The following TNRC6A variants were observed in gnomAD, a reference collection of about 807,000 sequenced individuals.
TNRC6A encodes trinucleotide repeat-containing gene 6A protein.
Under a neutral mutation model 221.2 loss-of-function variants are expected in TNRC6A, and 44 were observed. That is an observed-to-expected ratio of 0.20 (90% CI 0.16 to 0.26). The LOEUF (loss-of-function observed/expected upper bound fraction) is 0.26. Among genes scored for constraint, TNRC6A ranks in the 10% least tolerant of loss-of-function variants. TNRC6A has a pLI of 1.00. For synonymous variants in TNRC6A, 847 were observed against 838.5 expected, an observed-to-expected ratio of 1.01 and a Z score of -0.18; for missense variants, 2,199 against 2,404.4, an observed-to-expected ratio of 0.91 and a Z score of 1.79.
intron 5 of TNRC6A, among the ~76,000 whole-genome samples, chr16:24,788,505 G>A (rs2058022136): frequency 6.6e-6 from 1 of 152,114 alleles, no homozygotes; most frequent in Non-Finnish European, 1.5e-5. Context: ...AAAACAGAGG[G>A]TGGAAAAATA....
Position 24,777,113 on chromosome 16 carries a change from CGCAGCCGCAGCAGCA to C in TNRC6A, c.351_365del (p.Gln121_Gln125del), listed in dbSNP as rs759323821. On this transcript the variant is annotated inframe_deletion, in exon 5 of 25. Coordinates refer to ENST00000395799, the MANE Select transcript of TNRC6A (RefSeq NM_014494.4). ...CAGCAGCCACAGCAGCAGCCACAGC[CGCAGCCGCAGCAGCA>C]GCAGCCACAGCAGCAGCCACAGGCC... 3 of 1,091,276 alleles carry C rather than the reference CGCAGCCGCAGCAGCA, an allele frequency of 2.7e-6. No individual in the cohort carries two copies. The highest frequency in any genetic ancestry group is 2.6e-6 in the Non-Finnish European group (2 of 769,394). 67.6% of individuals were successfully genotyped at this position (1,091,276 alleles called of 1,614,324 possible).
chr16:24,633,189 A>G (rs1901439533), intron 1 of TNRC6A, among the ~76,000 whole-genome samples: 1 of 151,832 alleles, frequency 6.6e-6, no homozygotes, highest in South Asian at 2.1e-4. Context: ...TGCTCTATTT[A>G]CCATATATGC....
At chr16:24,776,457 C>T (rs2057719493) in intron 4 of TNRC6A, 1 of 985,234 alleles carries the variant, frequency 1.0e-6, no homozygotes, top group South Asian at 4.7e-5. Context: ...TGTTTTCTAA[C>T]CTTGTGTTGT....
At chr16:24,703,396 A>T (rs2142234568) in intron 2 of TNRC6A, among the ~76,000 whole-genome samples, 1 of 152,292 alleles carries the variant, frequency 6.6e-6, no homozygotes, top group Admixed American at 6.6e-5. Context: ...TTTTATGCCA[A>T]ATATTAGTCC....
At chr16:24,736,142 C>T (rs989316971) in intron 2 of TNRC6A, among the ~76,000 whole-genome samples, 2 of 152,172 alleles carry the variant, frequency 1.3e-5, no homozygotes, top group Non-Finnish European at 1.5e-5. Context: ...TCCAGCCTAG[C>T]CTGGGCACAA....
At chr16:24,689,767 T>A (rs1249007857) in intron 2 of TNRC6A, among the ~76,000 whole-genome samples, 1 of 151,658 alleles carries the variant, frequency 6.6e-6, no homozygotes, top group African/African-American at 2.4e-5. Context: ...GAAAAAAAAA[T>A]TTGAGACAGG....
At chr16:24,725,873 G>GTC (rs1200312405), upstream of TNRC6A, among the ~76,000 whole-genome samples, 1 of 151,952 alleles carries the variant, frequency 6.6e-6, no homozygotes, top group African/African-American at 2.4e-5. Flanking sequence ...AGTGGCACAC[G>GTC]TCTGTAATCC....
chr16:24,686,813 G>A (rs2055635576), intron 2 of TNRC6A, among the ~76,000 whole-genome samples: 1 of 152,144 alleles, frequency 6.6e-6, no homozygotes, highest in South Asian at 2.1e-4. Flanking sequence ...CCTGCGTTTG[G>A]ATTCCCCTCC....
intron 2 of TNRC6A, among the ~76,000 whole-genome samples, chr16:24,668,572 A>G (rs1347759264): frequency 6.6e-6 from 1 of 152,100 alleles, no homozygotes; most frequent in Non-Finnish European, 1.5e-5. Context: ...CTCCATTTTT[A>G]TCACCAAGGC....
Position 24,790,093 on chromosome 16 carries a change from G to T in TNRC6A, c.1451G>T (p.Arg484Leu). ...CCTAGTAGTAACACAGGGGCCTGGC[G>T]TGTGAGCACAATGAATCATCCTCAG... ...ELPSSNTGAWRVSTMNHPQMQ... is the reference protein window; with the variant it reads ...ELPSSNTGAWLVSTMNHPQMQ... Residue 484 changes from arginine (R) to leucine (L), a missense_variant, in exon 6 of 25, where the codon CGT becomes CTT. This residue lies in a region of TNRC6A where 1,405 missense variants were observed against 1,400.2 expected (regional missense o/e 1.00). Transcript: ENST00000395799. The T allele has an allele frequency of 6.2e-7, 1 of 1,614,192 alleles. No homozygotes were observed.
chr16:24,752,305 C>T (rs1023824439), intron 3 of TNRC6A, among the ~76,000 whole-genome samples: 1 of 152,244 alleles, frequency 6.6e-6, no homozygotes, highest in South Asian at 2.1e-4. Context: ...AGGAGTTAAT[C>T]AGGCTAGGGG....
At chr16:24,650,580 G>A (rs753130859) in intron 2 of TNRC6A, among the ~76,000 whole-genome samples, 1 of 151,880 alleles carries the variant, frequency 6.6e-6, no homozygotes, top group South Asian at 2.1e-4. Context: ...CAGGAGAATC[G>A]CTTGAACCTG....
rs1015624577 is a variant in TNRC6A at position 24,652,693 on chromosome 16, A to G, written n.402+11684A>G. Among the ~76,000 whole-genome samples, 3 of 152,210 alleles carry G rather than the reference A, an allele frequency of 2.0e-5. 1 individual carries two copies. Among genetic ancestry groups the G allele is most frequent in the Admixed American group, 1.3e-4 (2 of 15,270 alleles). On this transcript the variant is annotated intron_variant and non_coding_transcript_variant, in intron 2 of 2. Coordinates refer to the TNRC6A transcript ENST00000566108. ...TTAGGCAACTGGACCCAAACAGCAT[A>G]TGAAAGACGGAATAAGAGGGGGAAA... is the stretch of plus-strand genomic sequence containing the variant.
At chr16:24,701,528 G>A (rs1045935874) in intron 2 of TNRC6A, among the ~76,000 whole-genome samples, 13 of 151,668 alleles carry the variant, frequency 8.6e-5, no homozygotes, top group Admixed American at 5.9e-4. Flanking sequence ...CACCATGCCT[G>A]GCTAATTTTT....
chr16:24,726,052 A>G (rs190050967), upstream of TNRC6A, among the ~76,000 whole-genome samples: 1 of 152,144 alleles, frequency 6.6e-6, no homozygotes, highest in Non-Finnish European at 1.5e-5. Context: ...CCACCACTGT[A>G]GTTCCTCACA....
intron 4 of TNRC6A, among the ~76,000 whole-genome samples, chr16:24,768,136 A>G (rs1163819451): frequency 7.2e-5 from 11 of 152,178 alleles, no homozygotes; most frequent in Admixed American, 7.2e-4. Context: ...TTTTTCTTTT[A>G]AAAAGTGTGC....
At chr16:24,819,231 C>T (rs935542779) in intron 21 of TNRC6A, among the ~76,000 whole-genome samples, 3 of 152,270 alleles carry the variant, frequency 2.0e-5, no homozygotes, top group African/African-American at 7.2e-5. Context: ...TGACCTAATG[C>T]ACACACACTT....
At chr16:24,776,017 G>A (rs1567455343) in intron 4 of TNRC6A, among the ~76,000 whole-genome samples, 2 of 152,126 alleles carry the variant, frequency 1.3e-5, no homozygotes, top group African/African-American at 4.8e-5. Context: ...GCTCTGCAAG[G>A]TGTAGGTACT....
At chr16:24,788,629 C>T (rs1345401432) in intron 5 of TNRC6A, among the ~76,000 whole-genome samples, 1 of 150,764 alleles carries the variant, frequency 6.6e-6, no homozygotes, top group Non-Finnish European at 1.5e-5. Context: ...GCCTCCTAGA[C>T]CTTCTTGACT....
Sources: gnomAD v4.1 joint callset for allele counts (sites outside exome capture counted in the v4.1 genomes callset) on GRCh38, gnomAD v4.1.1 for gene constraint, gnomAD v4.1.1 regional missense constraint, MANE v1.5 for transcripts, NCBI Gene and HGNC (gene_info 2026-07-23, HGNC 2026-07-21) for gene names.